TRIM4: variants seen among roughly 807,000 people sequenced by gnomAD.
TRIM4 encodes the protein E3 ubiquitin-protein ligase TRIM4.
In TRIM4, 29 loss-of-function variants were observed where a neutral mutation model predicts 33.7. That is an observed-to-expected ratio of 0.86 (90% CI 0.64 to 1.17). TRIM4 has a LOEUF of 1.17. TRIM4 is among the 50% of genes most tolerant of loss of function. TRIM4 has a pLI of 0.00. For synonymous variants in TRIM4, 224 were observed against 233.0 expected (o/e 0.96, Z 0.35); for missense variants, 554 against 593.7 (o/e 0.93, Z 0.69).
intron 1 of TRIM4, among the ~76,000 whole-genome samples, chr7:99,914,661 T>C (rs1252708586): frequency 6.6e-6 from 1 of 152,016 alleles, no homozygotes; most frequent in African/African-American, 2.4e-5. Flanking sequence ...TCCTACCCCA[T>C]AAACATATCC....
At position 99,892,511 on chromosome 7, in the gene TRIM4, C is replaced by A; in HGVS notation, c.1077G>T (p.Glu359Asp). 6.2e-7 allele frequency: 1 copy of A among 1,614,226 alleles called. No individual in the cohort carries two copies. Among genetic ancestry groups the A allele is most frequent in the Non-Finnish European group, 8.5e-7 (1 of 1,180,040 alleles). The change falls in exon 6 of 6, where the codon GAG becomes GAT. Residue 359 changes from glutamate (E) to aspartate (D), a missense_variant. Transcript: ENST00000349062. ...CAGCAACCTCCAGACTATCTCTACT[C>A]TCAACTTCCCAGTAATGTTTCCCTG... ...FTSGKHYWEVESRDSLEVAVG... is the reference protein window; with the variant it reads ...FTSGKHYWEVDSRDSLEVAVG...
chr7:99,907,405 C>T (rs927674625), intron 3 of TRIM4, among the ~76,000 whole-genome samples: 7 of 152,230 alleles, frequency 4.6e-5, no homozygotes, highest in African/African-American at 1.7e-4. Flanking sequence ...CCACTGCACC[C>T]GGCCCCAGTT....
At position 99,892,412 on chromosome 7, in the gene TRIM4, C is replaced by T. The variant is rs2098399575; in HGVS notation, c.1176G>A (p.Ala392=). 6.2e-6 allele frequency: 10 copies of T among 1,614,118 alleles called. No homozygotes were observed. Among genetic ancestry groups the T allele is most frequent in the Non-Finnish European group, 8.5e-6 (10 of 1,180,012 alleles). The change falls in exon 6 of 6, where the codon GCG becomes GCA. Residue 392 remains alanine, a synonymous_variant. Transcript: ENST00000349062. ...AATAGCCAGCAGCACTCCAATAAAT[C>T]GCCCAGATGCCCACATCTGGGGACA... ...SKMSPDVGIW[A]IYWSAAGYWP... is the part of the protein sequence containing the mutation.
chr7:99,909,740 T>G (rs1396970995), intron 1 of TRIM4, 80 bp from the exon 2 acceptor site: 27 of 1,246,128 alleles, frequency 2.2e-5, no homozygotes, highest in East Asian at 7.5e-5. Flanking sequence ...TTTTTTTTTT[T>G]TTTTTTTTTT....
chr7:99,919,394 G>T lies in TRIM4; in HGVS notation c.8C>A (p.Ala3Asp). ...GGTCAACTCCTCCTGGATGTCCTCA[G>T]CTTCCATGCTGCTTCCCTGCCGCGG... ME[A>D]EDIQEELTCP... Residue 3 changes from alanine to aspartate, a missense_variant, in exon 1 of 6, where the codon GCT (alanine) becomes GAT (aspartate). Around this residue, in one of 3 missense-constraint regions of TRIM4, gnomAD observed 233 missense variants for 203.1 expected, o/e 1.15. Transcript: ENST00000349062. 1 of 1,553,924 alleles carries T rather than the reference G, an allele frequency of 6.4e-7. No homozygotes were observed. Among genetic ancestry groups the T allele is most frequent in the Non-Finnish European group, 8.7e-7 (1 of 1,152,708 alleles).
chr7:99,909,523 G>A (rs746150245), intron 2 of TRIM4, 42 bp downstream of exon 2: 1 of 1,571,296 alleles, frequency 6.4e-7, no homozygotes, highest in African/African-American at 1.4e-5. Flanking sequence ...CAGACCAAAA[G>A]GACCTCAGGA....
At position 99,892,062 on chromosome 7, in the gene TRIM4, G is replaced by C; in HGVS notation, c.*101C>G. The C allele has an allele frequency of 2.8e-6, 3 of 1,071,208 alleles. No individual in the cohort carries two copies. In the South Asian group the frequency reaches 4.9e-5, roughly 18 times the overall value. The allele number at this position is 1,071,208 out of a possible 1,614,324, so 66.4% of individuals were successfully genotyped here. On this transcript the variant is annotated 3_prime_UTR_variant, in exon 6 of 6. Coordinates refer to ENST00000349062, the MANE Select transcript of TRIM4 (RefSeq NM_033091.3). ...TACCGTTAGGGAGACCCAGAAGATG[G>C]ACCATCCAGGATAGAGACATGAAGG...
At chr7:99,907,110 GTTTGT>G (rs1047780018) in intron 3 of TRIM4, among the ~76,000 whole-genome samples, 4 of 152,052 alleles carry the variant, frequency 2.6e-5, no homozygotes, top group Admixed American at 6.6e-5. Flanking sequence ...AGTTTCATCT[GTTTGT>G]TTTGTTTTGT....
At position 99,909,133 on chromosome 7, in the gene TRIM4, G is replaced by GGTGGGTGTGT. The variant is rs1554452960; in HGVS notation, c.490-322_490-321insACACACCCAC. Among the ~76,000 whole-genome samples the GGTGGGTGTGT allele has an allele frequency of 2.7e-3, 402 of 148,510 alleles. 1 individual carries two copies. Among genetic ancestry groups the GGTGGGTGTGT allele is most frequent in the Non-Finnish European group, 4.7e-3 (318 of 67,000 alleles). On this transcript the variant is annotated intron_variant, in intron 2 of 5. Transcript: ENST00000349062. ...TTTACCAAATCTTTAGGAGTGTGAG[G>GGTGGGTGTGT]GTGTGTGTGTGTGTGTGTGTGTGTG...
chr7:99,893,375 A>T (rs2151640299), intron 5 of TRIM4, among the ~76,000 whole-genome samples: 1 of 149,954 alleles, frequency 6.7e-6, no homozygotes, highest in South Asian at 2.1e-4. Context: ...TCTCACGTTG[A>T]ATCAAAACTA....
At chr7:99,917,885 T>A (rs1819591962) in intron 1 of TRIM4, 1 of 982,756 alleles carries the variant, frequency 1.0e-6, no homozygotes, top group South Asian at 4.7e-5. Context: ...GCTAAAAGGA[T>A]CTAAAGGATA....
chr7:99,916,502 C>T (rs961281039), intron 1 of TRIM4, among the ~76,000 whole-genome samples: 2 of 152,228 alleles, frequency 1.3e-5, no homozygotes, highest in Non-Finnish European at 2.9e-5. Flanking sequence ...GACTACGCTT[C>T]CTCCTGTGTA....
Position 99,890,706 on chromosome 7 carries a change from C to T in TRIM4, c.*1457G>A, listed in dbSNP as rs1050576584. ...GACACAAAAAAGGGAACAACAGACA[C>T]CAGGGACTACTTGAGGGTAGAGGGT... On this transcript the variant is annotated 3_prime_UTR_variant, in exon 6 of 6. Transcript: ENST00000349062. 6.6e-6 allele frequency: 1 copy of T among 152,002 alleles called. No individual in the cohort carries two copies. The highest frequency in any genetic ancestry group is 2.4e-5 in the African/African-American group (1 of 41,356). The allele number at this position is 152,002 out of a possible 1,614,324, so 9.4% of individuals were successfully genotyped here. A position where few individuals can be genotyped will look rare whatever the true frequency, so the allele number is the denominator to read the frequency against.
intron 5 of TRIM4, chr7:99,902,062 T>C (rs1819185833): frequency 2.6e-6 from 2 of 762,224 alleles, no homozygotes; most frequent in Admixed American, 1.7e-5. Context: ...GCTGACCTCA[T>C]TTGTTTCACA....
rs191380095 is a variant in TRIM4 at position 99,916,758 on chromosome 7, C to G, written c.393+2251G>C. ...ATTAGTCTTCTCTTCCATTCATCCACGTGGATGTCAAAGTTACCTGTCTAA... is the reference window on the plus strand; with the variant it reads ...ATTAGTCTTCTCTTCCATTCATCCAGGTGGATGTCAAAGTTACCTGTCTAA... On this transcript the variant is annotated intron_variant, in intron 1 of 5. Coordinates refer to ENST00000349062, the MANE Select transcript of TRIM4 (RefSeq NM_033091.3). The G allele has an allele frequency of 1.3e-4, 102 of 781,054 alleles. 1 individual carries two copies. The East Asian group carries it at 2.2e-3, about 17-fold the overall frequency. The allele number at this position is 781,054 out of a possible 1,614,324, so 48.4% of individuals were successfully genotyped here. A position where few individuals can be genotyped will look rare whatever the true frequency, so the allele number is the denominator to read the frequency against.
At chr7:99,912,531 T>TAAA (rs34914690) in intron 1 of TRIM4, among the ~76,000 whole-genome samples, 2 of 145,790 alleles carry the variant, frequency 1.4e-5, no homozygotes, top group Non-Finnish European at 1.5e-5. Context: ...CTCTACATAT[T>TAAA]AAAAAAAAAA....
rs147711327 is a variant in TRIM4 at position 99,903,303 on chromosome 7, C to G, written c.756G>C (p.Gln252His). ...PKEVLTRSEIQDVNYSLEAVK... is the reference protein window; with the variant it reads ...PKEVLTRSEIHDVNYSLEAVK... The stretch of plus-strand genomic sequence containing the variant: ...CAGCTTCAAGAGAATAGTTCACATC[C>G]TGGATCTCACTCCTAAGAAGGTAGA... The change falls in exon 5 of 6, where the codon CAG becomes CAC. Residue 252 changes from glutamine (Q) to histidine (H), a missense_variant. By Grantham distance (24) the Gln-to-His change is conservative (BLOSUM62 0). Coordinates refer to ENST00000349062, the MANE Select transcript of TRIM4 (RefSeq NM_033091.3). 430 of 1,610,436 alleles carry G rather than the reference C, an allele frequency of 2.7e-4. 2 individuals carry two copies. In the African/African-American group the frequency reaches 4.9e-3, roughly 18 times the overall value.
At chr7:99,895,164 T>C (rs1316037102) in intron 5 of TRIM4, among the ~76,000 whole-genome samples, 1 of 152,208 alleles carries the variant, frequency 6.6e-6, no homozygotes, top group East Asian at 1.9e-4. Flanking sequence ...AGGTCAGTGA[T>C]TTGAGAAGTT....
intron 5 of TRIM4, among the ~76,000 whole-genome samples, chr7:99,899,357 T>C (rs1421091441): frequency 6.6e-6 from 1 of 152,224 alleles, no homozygotes; most frequent in East Asian, 1.9e-4. Context: ...TTTTTACAAA[T>C]AGCAGTGGTT....
Sources: gnomAD v4.1 joint callset for allele counts (sites outside exome capture counted in the v4.1 genomes callset) on GRCh38, gnomAD v4.1.1 for gene constraint, gnomAD v4.1.1 regional missense constraint, MANE v1.5 for transcripts, NCBI Gene and HGNC (gene_info 2026-07-23, HGNC 2026-07-21) for gene names.